ZNF438: variants seen among roughly 807,000 people sequenced by gnomAD.
ZNF438 encodes the protein zinc finger protein 438.
Under a neutral mutation model 38.0 loss-of-function variants are expected in ZNF438, and 25 were observed. The observed-to-expected ratio is 0.66, with a 90% confidence interval of 0.48 to 0.92. ZNF438 has a LOEUF of 0.92. ZNF438 is among the 40% of genes least tolerant of loss of function. The probability of loss-of-function intolerance (pLI) is 0.00; values close to 1 mark genes in which losing one functional copy is unlikely to be tolerated. For synonymous variants in ZNF438, 372 were observed against 364.1 expected (o/e 1.02, Z -0.25); for missense variants, 1,007 against 999.6 (o/e 1.01, Z -0.10).
At chr10:30,924,670 A>G (rs1412925605) in intron 2 of ZNF438, among the ~76,000 whole-genome samples, 2 of 152,374 alleles carry the variant, frequency 1.3e-5, no homozygotes, top group South Asian at 2.1e-4. Context: ...GAAAACACCA[A>G]ACTCAAATTG....
At chr10:30,972,260 C>T (rs752789989) in intron 1 of ZNF438, among the ~76,000 whole-genome samples, 10 of 152,166 alleles carry the variant, frequency 6.6e-5, no homozygotes, top group African/African-American at 2.2e-4. Flanking sequence ...TGAGCCGCCA[C>T]GCCCGGCCCC....
chr10:30,899,170 G>A (rs1366914691), intron 3 of ZNF438, among the ~76,000 whole-genome samples: 4 of 152,032 alleles, frequency 2.6e-5, no homozygotes, highest in South Asian at 2.1e-4. Flanking sequence ...CTTAGCTTCA[G>A]GACCTTGGAC....
At chr10:30,846,288 G>A (rs560600404) in intron 5 of ZNF438, among the ~76,000 whole-genome samples, 2 of 152,386 alleles carry the variant, frequency 1.3e-5, no homozygotes, top group East Asian at 3.9e-4. Context: ...AGCTGAAGGT[G>A]CAGCCGGGAC....
chr10:30,928,389 G>T (rs2045216511), intron 2 of ZNF438, among the ~76,000 whole-genome samples: 1 of 151,906 alleles, frequency 6.6e-6, no homozygotes, highest in African/African-American at 2.4e-5. Context: ...ATAACATTCA[G>T]GATTCTGTCT....
intron 4 of ZNF438, among the ~76,000 whole-genome samples, chr10:30,853,576 G>T (rs761849260): frequency 6.6e-6 from 1 of 152,170 alleles, no homozygotes; most frequent in African/African-American, 2.4e-5. Flanking sequence ...TTGCTGCATC[G>T]TTTCCTTCAA....
At chr10:30,880,978 G>A (rs984666740) in intron 3 of ZNF438, among the ~76,000 whole-genome samples, 1 of 151,816 alleles carries the variant, frequency 6.6e-6, no homozygotes, top group African/African-American at 2.4e-5. Flanking sequence ...AGAATAGAAA[G>A]GAACTCCTCA....
At chr10:30,962,981 A>G (rs1008423542) in intron 1 of ZNF438, among the ~76,000 whole-genome samples, 1 of 152,218 alleles carries the variant, frequency 6.6e-6, no homozygotes, top group Non-Finnish European at 1.5e-5. Context: ...TTTGCTTTTA[A>G]TAAGTAAATA....
At chr10:30,874,720 T>C (rs2038145429) in intron 4 of ZNF438, among the ~76,000 whole-genome samples, 2 of 151,778 alleles carry the variant, frequency 1.3e-5, no homozygotes, top group South Asian at 4.1e-4. Flanking sequence ...GCATAGTATG[T>C]TTGATGAGAG....
chr10:31,015,933 G>C (rs1374060052), intron 1 of ZNF438, among the ~76,000 whole-genome samples: 1 of 152,050 alleles, frequency 6.6e-6, no homozygotes, highest in Non-Finnish European at 1.5e-5. Context: ...TCTGATCAGG[G>C]GTCCATTCTT....
intron 3 of ZNF438, among the ~76,000 whole-genome samples, chr10:30,878,735 A>C (rs1400864320): frequency 6.6e-6 from 1 of 152,166 alleles, no homozygotes; most frequent in African/African-American, 2.4e-5. Context: ...TGGGGATCAC[A>C]GGCACTCCCA....
chr10:30,850,283 A>G, exon 5 of ZNF438: 1 of 1,614,206 alleles, frequency 6.2e-7, no homozygotes, highest in Non-Finnish European at 8.5e-7. Context: ...TTTGGGCACA[A>G]TTTTTGGTGC....
chr10:30,968,154 AT>A (rs1002644385), intron 1 of ZNF438, among the ~76,000 whole-genome samples: 1 of 152,156 alleles, frequency 6.6e-6, no homozygotes, highest in Non-Finnish European at 1.5e-5. Flanking sequence ...CTAAGTAAAA[AT>A]TCCAAAGACA....
At chr10:30,975,653 C>T (rs2051256847) in intron 1 of ZNF438, among the ~76,000 whole-genome samples, 1 of 151,968 alleles carries the variant, frequency 6.6e-6, no homozygotes, top group Admixed American at 6.6e-5. Flanking sequence ...TTCTCCTAGT[C>T]TAATGAGCAA....
At chr10:30,915,542 T>C (rs1157418125) in intron 2 of ZNF438, among the ~76,000 whole-genome samples, 2 of 152,090 alleles carry the variant, frequency 1.3e-5, no homozygotes, top group South Asian at 4.1e-4. Context: ...AAGCTACAAA[T>C]GTAGGACTAT....
chr10:30,994,041 C>T (rs1482798786), intron 1 of ZNF438, among the ~76,000 whole-genome samples: 1 of 152,238 alleles, frequency 6.6e-6, no homozygotes, highest in African/African-American at 2.4e-5. Context: ...TGCTCCACCA[C>T]TATATTTTGG....
At chr10:30,846,602 C>T (rs1190999471) in intron 5 of ZNF438, among the ~76,000 whole-genome samples, 1 of 152,212 alleles carries the variant, frequency 6.6e-6, no homozygotes, top group African/African-American at 2.4e-5. Context: ...GAGCCCTGCC[C>T]TTTCCAAGTT....
At chr10:30,953,502 C>A (rs1338267934) in intron 1 of ZNF438, among the ~76,000 whole-genome samples, 1 of 151,140 alleles carries the variant, frequency 6.6e-6, no homozygotes, top group Non-Finnish European at 1.5e-5. Context: ...ATATTACTAG[C>A]CAATAAAATA....
intron 4 of ZNF438, among the ~76,000 whole-genome samples, chr10:30,875,840 C>T (rs768332955): frequency 5.8e-4 from 89 of 152,238 alleles, no homozygotes; most frequent in Non-Finnish European, 1.2e-3. Context: ...AGGCAAGAGG[C>T]GGCCTCATGG....
intron 3 of ZNF438, among the ~76,000 whole-genome samples, chr10:30,894,498 C>T (rs148954704): frequency 8.5e-5 from 13 of 152,270 alleles, no homozygotes; most frequent in African/African-American, 3.1e-4. Context: ...CTGGCAGGCT[C>T]ATTTTAATCC....
Sources: gnomAD v4.1 joint callset for allele counts (sites outside exome capture counted in the v4.1 genomes callset) on GRCh38, gnomAD v4.1.1 for gene constraint, MANE v1.5 for transcripts, NCBI Gene and HGNC (gene_info 2026-07-23, HGNC 2026-07-21) for gene names.